The following FOXO1 variants were observed in gnomAD, a reference collection of about 807,000 sequenced individuals.
FOXO1 encodes forkhead box protein O1.
Under a neutral mutation model 44.1 loss-of-function variants are expected in FOXO1, and 6 were observed. That is an observed-to-expected ratio of 0.14 (90% CI 0.07 to 0.27). The LOEUF is 0.27. Among genes scored for constraint, FOXO1 ranks in the 10% least tolerant of loss-of-function variants. The probability of loss-of-function intolerance (pLI) is 1.00; values close to 1 mark genes in which losing one functional copy is unlikely to be tolerated. For missense variants in FOXO1, 737 were observed against 888.8 expected (o/e 0.83, Z 2.17); for synonymous variants, 380 against 362.7 (o/e 1.05, Z -0.54).
chr13:40,632,287 A>C (rs1445435828), intron 1 of FOXO1, among the ~76,000 whole-genome samples: 1 of 152,174 alleles, frequency 6.6e-6, no homozygotes, highest in East Asian at 1.9e-4. Flanking sequence ...AAAACACAAA[A>C]ACCCCACAGA....
chr13:40,561,129 G>T (rs572541193), intron 1 of FOXO1, among the ~76,000 whole-genome samples: 67 of 152,232 alleles, frequency 4.4e-4, no homozygotes, highest in Middle Eastern at 3.4e-3. Flanking sequence ...CAGGCAAGCG[G>T]ATCATGAGAT....
chr13:40,598,800 A>G (rs996185938), intron 1 of FOXO1, among the ~76,000 whole-genome samples: 1 of 152,236 alleles, frequency 6.6e-6, no homozygotes, highest in African/African-American at 2.4e-5. Context: ...CTACTAAATC[A>G]GAACTGACAA....
chr13:40,616,888 C>T (rs1405980668), intron 1 of FOXO1, among the ~76,000 whole-genome samples: 3 of 152,132 alleles, frequency 2.0e-5, no homozygotes, highest in African/African-American at 7.2e-5. Flanking sequence ...CAGGAAACAA[C>T]GTTCTATTGC....
At chr13:40,579,291 C>T (rs1874874483) in intron 1 of FOXO1, among the ~76,000 whole-genome samples, 1 of 152,164 alleles carries the variant, frequency 6.6e-6, no homozygotes, top group Admixed American at 6.5e-5. Flanking sequence ...GGACTTGCTG[C>T]TAGAAGTAAT....
chr13:40,616,827 C>A lies in FOXO1; in HGVS notation c.630+48756G>T, dbSNP rs79951122. ...AGAAAAACTGACACTACATGGCAGT[C>A]TAGATCCGGAGCCAGAGCAAAAGGG... On this transcript the variant is annotated intron_variant, in intron 1 of 2. Coordinates refer to ENST00000379561, the MANE Select transcript of FOXO1 (RefSeq NM_002015.4). Among the ~76,000 whole-genome samples the A allele has an allele frequency of 5.3e-5, 8 of 152,232 alleles. No individual in the cohort carries two copies. In the East Asian group the frequency reaches 1.5e-3, roughly 29 times the overall value.
intron 1 of FOXO1, among the ~76,000 whole-genome samples, chr13:40,584,664 A>G: frequency 6.6e-6 from 1 of 152,004 alleles, no homozygotes; most frequent in East Asian, 1.9e-4. Context: ...AACATTATAT[A>G]TATATTTGGA....
chr13:40,593,268 T>A (rs1392599707), intron 1 of FOXO1, among the ~76,000 whole-genome samples: 2 of 152,126 alleles, frequency 1.3e-5, no homozygotes, highest in Non-Finnish European at 2.9e-5. Flanking sequence ...GATCAAGTGA[T>A]CCGCCCACAA....
intron 1 of FOXO1, among the ~76,000 whole-genome samples, chr13:40,642,788 C>T (rs1389177291): frequency 1.3e-4 from 19 of 151,916 alleles, no homozygotes; most frequent in Non-Finnish European, 2.5e-4. Context: ...ACCATGGTGG[C>T]GTGCACCTGT....
At chr13:40,561,300 C>T (rs940438174) in intron 1 of FOXO1, among the ~76,000 whole-genome samples, 4 of 138,514 alleles carry the variant, frequency 2.9e-5, no homozygotes, top group Non-Finnish European at 4.5e-5. Context: ...TGCAGTGAGG[C>T]GAGATCGTGC....
At chr13:40,610,388 G>T (rs1310862945) in intron 1 of FOXO1, among the ~76,000 whole-genome samples, 2 of 152,178 alleles carry the variant, frequency 1.3e-5, no homozygotes, top group African/African-American at 4.8e-5. Context: ...TTAGGACATT[G>T]TGCCAGAAAA....
intron 1 of FOXO1, among the ~76,000 whole-genome samples, chr13:40,665,198 C>A (rs1878186107): frequency 6.6e-6 from 1 of 151,900 alleles, no homozygotes; most frequent in African/African-American, 2.4e-5. Flanking sequence ...CCCGCCCTCC[C>A]CCCGCGGAGG....
chr13:40,591,715 T>A (rs964204627), intron 1 of FOXO1, among the ~76,000 whole-genome samples: 19 of 152,304 alleles, frequency 1.2e-4, no homozygotes, highest in East Asian at 1.9e-4. Flanking sequence ...ATATATATAT[T>A]TTTTGAGACA....
At chr13:40,636,123 G>A (rs747632779) in intron 1 of FOXO1, among the ~76,000 whole-genome samples, 16 of 152,062 alleles carry the variant, frequency 1.1e-4, no homozygotes, top group Non-Finnish European at 1.8e-4. Context: ...GCGGAGGCAG[G>A]AGAATCGCTT....
chr13:40,657,078 G>A (rs1404867855), intron 1 of FOXO1, among the ~76,000 whole-genome samples: 1 of 152,074 alleles, frequency 6.6e-6, no homozygotes, highest in Non-Finnish European at 1.5e-5. Context: ...CGCACTCAGA[G>A]AAACTGATGC....
chr13:40,563,166 C>A (rs1874107504), intron 1 of FOXO1, among the ~76,000 whole-genome samples: 1 of 152,326 alleles, frequency 6.6e-6, no homozygotes, highest in Non-Finnish European at 1.5e-5. Context: ...GGGGTGCAGC[C>A]ACAGCGCCCA....
At chr13:40,592,000 C>A (rs1875392930) in intron 1 of FOXO1, among the ~76,000 whole-genome samples, 1 of 152,168 alleles carries the variant, frequency 6.6e-6, no homozygotes, top group Non-Finnish European at 1.5e-5. Context: ...AGCCACCGCA[C>A]TCAGCCCTAT....
At chr13:40,621,994 G>A (rs1286972568) in intron 1 of FOXO1, among the ~76,000 whole-genome samples, 5 of 152,064 alleles carry the variant, frequency 3.3e-5, no homozygotes, top group Non-Finnish European at 4.4e-5. Flanking sequence ...AAAGGGATTC[G>A]GATATAATTT....
intron 1 of FOXO1, among the ~76,000 whole-genome samples, chr13:40,581,965 G>C (rs1229025565): frequency 1.3e-5 from 2 of 152,148 alleles, no homozygotes; most frequent in African/African-American, 4.8e-5. Context: ...GGAATTAGTG[G>C]CTACCTCTGG....
At chr13:40,583,178 G>A (rs1055806710) in intron 1 of FOXO1, among the ~76,000 whole-genome samples, 1 of 152,158 alleles carries the variant, frequency 6.6e-6, no homozygotes, top group African/African-American at 2.4e-5. Context: ...TGAGCAGTAG[G>A]TCTCAACTGT....
Sources: gnomAD v4.1 joint callset for allele counts (sites outside exome capture counted in the v4.1 genomes callset) on GRCh38, gnomAD v4.1.1 for gene constraint, MANE v1.5 for transcripts, NCBI Gene and HGNC (gene_info 2026-07-23, HGNC 2026-07-21) for gene names.